The following ZNRF2 variants were observed in gnomAD, a reference collection of about 807,000 sequenced individuals.
The protein encoded by ZNRF2 is zinc and ring finger 2, also known as E3 ubiquitin-protein ligase ZNRF2.
In ZNRF2, 16 loss-of-function variants were observed where a neutral mutation model predicts 20.4. The observed-to-expected ratio is 0.79, with a 90% CI of 0.53 to 1.19. The LOEUF (loss-of-function observed/expected upper bound fraction) is 1.19. Among genes scored for constraint, ZNRF2 ranks in the 50% most tolerant of loss-of-function variants. ZNRF2 has a pLI of 0.00. For missense variants in ZNRF2, 363 were observed against 332.4 expected, an observed-to-expected ratio of 1.09 and a Z score of -0.72; for synonymous variants, 178 against 144.9, an observed-to-expected ratio of 1.23 and a Z score of -1.64.
At chr7:30,351,084 A>AATC (rs1562620548) in intron 2 of ZNRF2, among the ~76,000 whole-genome samples, 1 of 147,428 alleles carries the variant, frequency 6.8e-6, no homozygotes, top group Non-Finnish European at 1.5e-5. Context: ...CTATATGGAT[A>AATC]TGTGCTTGGA....
intron 2 of ZNRF2, among the ~76,000 whole-genome samples, chr7:30,332,094 A>G (rs1285215868): frequency 6.6e-6 from 1 of 152,196 alleles, no homozygotes; most frequent in African/African-American, 2.4e-5. Flanking sequence ...CTTTGTACAC[A>G]CTTTAAATTC....
At chr7:30,304,365 GGGAAA>G (rs1190670360) in intron 1 of ZNRF2, among the ~76,000 whole-genome samples, 1 of 152,182 alleles carries the variant, frequency 6.6e-6, no homozygotes, top group African/African-American at 2.4e-5. Flanking sequence ...TTGCTTTCTA[GGGAAA>G]TGCAAACTGA....
intron 2 of ZNRF2, among the ~76,000 whole-genome samples, chr7:30,346,816 TTTA>T (rs1192560220): frequency 6.6e-6 from 1 of 152,092 alleles, no homozygotes; most frequent in East Asian, 1.9e-4. Context: ...GTTTGTTCCT[TTTA>T]TTCTTCCTGT....
chr7:30,302,244 G>A (rs1192055930), intron 1 of ZNRF2, among the ~76,000 whole-genome samples: 1 of 152,166 alleles, frequency 6.6e-6, no homozygotes, highest in Non-Finnish European at 1.5e-5. Flanking sequence ...AACCCAAGCT[G>A]CACATGGCTT....
chr7:30,345,394 A>T (rs1438283543), intron 2 of ZNRF2, among the ~76,000 whole-genome samples: 1 of 151,742 alleles, frequency 6.6e-6, no homozygotes, highest in Non-Finnish European at 1.5e-5. Flanking sequence ...GCTTTTGGAC[A>T]GTTGCTTCCT....
intron 2 of ZNRF2, among the ~76,000 whole-genome samples, chr7:30,329,384 T>C (rs914845425): frequency 1.3e-5 from 2 of 152,188 alleles, no homozygotes; most frequent in African/African-American, 2.4e-5. Context: ...CTAGGTCTTA[T>C]TCCTTTTATC....
At chr7:30,342,933 G>T (rs762846320) in intron 2 of ZNRF2, among the ~76,000 whole-genome samples, 1 of 151,906 alleles carries the variant, frequency 6.6e-6, no homozygotes, top group Non-Finnish European at 1.5e-5. Flanking sequence ...TAGTTTTGCC[G>T]CATTGTGATC....
intron 1 of ZNRF2, among the ~76,000 whole-genome samples, chr7:30,295,050 A>AGAGAGAGTGTGT (rs1412764480): frequency 5.2e-4 from 20 of 38,278 alleles, no homozygotes; most frequent in South Asian, 1.1e-3. Flanking sequence ...AGAGAGAGAG[A>AGAGAGAGTGTGT]GTGTGTGTGT....
intron 1 of ZNRF2, among the ~76,000 whole-genome samples, chr7:30,296,713 C>T (rs929923472): frequency 6.6e-6 from 1 of 152,130 alleles, no homozygotes; most frequent in East Asian, 1.9e-4. Context: ...TTACCGTACG[C>T]AGAGTTCTTT....
rs1257547667 is a variant in ZNRF2 at position 30,284,996 on chromosome 7, C to T, written c.-362C>T. ...CCGAGATCGGGGGCGCCGAGCGCGG[C>T]AGCAGAGAGCGGTAGCGGCCCGTCG... is the stretch of plus-strand genomic sequence containing the variant. On this transcript the variant is annotated 5_prime_UTR_variant, in exon 1 of 5. Coordinates refer to ENST00000323037, the MANE Select transcript of ZNRF2 (RefSeq NM_147128.4). The T allele has an allele frequency of 8.0e-6, 3 of 376,306 alleles. No homozygotes were observed. Among genetic ancestry groups the T allele is most frequent in the African/African-American group, 2.2e-5 (1 of 45,018 alleles). 23.3% of individuals were successfully genotyped at this position (376,306 alleles called of 1,614,324 possible). A position where few individuals can be genotyped will look rare whatever the true frequency, so the allele number is the denominator to read the frequency against.
At chr7:30,298,622 A>G (rs4000228) in intron 1 of ZNRF2, among the ~76,000 whole-genome samples, 38 of 152,300 alleles carry the variant, frequency 2.5e-4, no homozygotes, top group South Asian at 2.1e-3. Flanking sequence ...TTTAATCTCA[A>G]TATTTAGTAT....
In ZNRF2 at chr7:30,310,503, T is replaced by A. The variant is rs1799275624; in HGVS notation, c.470-13139T>A. 2.0e-5 allele frequency among the ~76,000 whole-genome samples: 3 copies of A among 152,182 alleles called. No homozygotes were observed. The South Asian group carries it at 6.2e-4, about 32-fold the overall frequency. On this transcript the variant is annotated intron_variant, in intron 1 of 4. Transcript: ENST00000323037. ...TAGTTTGGGTAAGCCATAGAGACAA[T>A]ACATAAATGAATGTGTGTGGCCACG...
rs1798744856 is a variant in ZNRF2 at position 30,284,969 on chromosome 7, T to TGCCGAGATCGGGGGC, written c.-382_-368dup. ...GCAGCGGCCGCCCGAGAGGAGGCGG[T>TGCCGAGATCGGGGGC]GCCGAGATCGGGGGCGCCGAGCGCG... On this transcript the variant is annotated 5_prime_UTR_variant, in exon 1 of 5. Transcript: ENST00000323037. 5 of 317,262 alleles carry TGCCGAGATCGGGGGC rather than the reference T, an allele frequency of 1.6e-5. No homozygotes were observed. The highest frequency in any genetic ancestry group is 1.1e-4 in the South Asian group (5 of 46,220). The allele number at this position is 317,262 out of a possible 1,614,324, so 19.7% of individuals were successfully genotyped here.
chr7:30,353,128 G>A, intron 2 of ZNRF2, among the ~76,000 whole-genome samples: 1 of 152,066 alleles, frequency 6.6e-6, no homozygotes, highest in East Asian at 1.9e-4. Context: ...TTTAAAATGT[G>A]AAAATTAAGC....
At chr7:30,330,775 A>G (rs1243740703) in intron 2 of ZNRF2, among the ~76,000 whole-genome samples, 5 of 152,096 alleles carry the variant, frequency 3.3e-5, no homozygotes, top group Non-Finnish European at 7.4e-5. Context: ...AAGTTAAAAA[A>G]AAAAAGAAAA....
chr7:30,332,755 T>A (rs1799655670), intron 2 of ZNRF2, among the ~76,000 whole-genome samples: 1 of 152,194 alleles, frequency 6.6e-6, no homozygotes, highest in Non-Finnish European at 1.5e-5. Context: ...ATGTACCACT[T>A]TTTCTTTATC....
intron 1 of ZNRF2, among the ~76,000 whole-genome samples, chr7:30,294,498 C>T (rs911611324): frequency 2.6e-5 from 4 of 151,998 alleles, no homozygotes; most frequent in African/African-American, 2.4e-5. Context: ...AATATTGCAC[C>T]GTGGCTGGGC....
intron 2 of ZNRF2, among the ~76,000 whole-genome samples, chr7:30,352,401 T>C (rs1218060704): frequency 1.3e-5 from 2 of 152,038 alleles, no homozygotes. Flanking sequence ...TGGTTAAAAA[T>C]CGTAATCATT....
At chr7:30,346,663 T>C (rs151112646) in intron 2 of ZNRF2, among the ~76,000 whole-genome samples, 7 of 152,260 alleles carry the variant, frequency 4.6e-5, no homozygotes, top group African/African-American at 1.7e-4. Context: ...CTCTAATTAA[T>C]CCTGCATCTA....
Sources: gnomAD v4.1 joint callset for allele counts (sites outside exome capture counted in the v4.1 genomes callset) on GRCh38, gnomAD v4.1.1 for gene constraint, MANE v1.5 for transcripts, NCBI Gene and HGNC (gene_info 2026-07-23, HGNC 2026-07-21) for gene names.